Variants in P2RY12 observed in about 807,000 individuals in gnomAD.
P2RY12 encodes the protein purinergic receptor P2Y12.
Under a neutral mutation model 4.5 loss-of-function variants are expected in P2RY12, and 3 were observed. That is an observed-to-expected ratio of 0.67 (90% CI 0.31 to 1.74). The LOEUF is 1.74. Ranked by LOEUF, P2RY12 falls within the 40% of genes most tolerant of loss-of-function variation. The pLI is 0.09. For missense variants in P2RY12, 356 were observed against 407.8 expected (o/e 0.87, Z 1.09); for synonymous variants, 148 against 154.1 (o/e 0.96, Z 0.29).
At chr3:151,357,572 A>T (rs1371224224) in intron 1 of P2RY12, among the ~76,000 whole-genome samples, 1 of 152,178 alleles carries the variant, frequency 6.6e-6, no homozygotes, top group Non-Finnish European at 1.5e-5. Context: ...ATAATGTGTG[A>T]TTCCTTCTTC....
At chr3:151,353,687 A>C (rs141979383) in intron 1 of P2RY12, among the ~76,000 whole-genome samples, 1 of 152,356 alleles carries the variant, frequency 6.6e-6, no homozygotes, top group Non-Finnish European at 1.5e-5. Context: ...TACATTTGCC[A>C]TTAGCAAAAT....
At chr3:151,381,106 T>C (rs1712254155) in intron 1 of P2RY12, among the ~76,000 whole-genome samples, 1 of 152,194 alleles carries the variant, frequency 6.6e-6, no homozygotes, top group Admixed American at 6.5e-5. Context: ...ACAACAGAAA[T>C]TGGAGAGCAT....
At chr3:151,368,614 TATTTTATTTTATTTTATTTCATTTC>T (rs1755617800) in intron 1 of P2RY12, among the ~76,000 whole-genome samples, 6 of 74,144 alleles carry the variant, frequency 8.1e-5, no homozygotes, top group East Asian at 5.9e-4. Flanking sequence ...TATTTTATTT[TATTTTATTTTATTTTATTTCATTTC>T]ATTTCATTTC....
At chr3:151,347,985 G>T (rs563782408) in intron 1 of P2RY12, among the ~76,000 whole-genome samples, 1 of 152,276 alleles carries the variant, frequency 6.6e-6, no homozygotes, top group South Asian at 2.1e-4. Context: ...TGAGGAGCAC[G>T]TGGCTCTTTC....
chr3:151,380,566 C>G (rs1312624501), intron 1 of P2RY12, among the ~76,000 whole-genome samples: 1 of 143,430 alleles, frequency 7.0e-6, no homozygotes, highest in East Asian at 2.0e-4. Flanking sequence ...CATTGCACAC[C>G]AGCCTGGGAA....
chr3:151,367,243 G>T (rs940281100), intron 1 of P2RY12, among the ~76,000 whole-genome samples: 3 of 152,160 alleles, frequency 2.0e-5, no homozygotes, highest in African/African-American at 7.2e-5. Flanking sequence ...AGTGAGGCTT[G>T]TTTTTCAACT....
chr3:151,367,730 G>A (rs765305359), intron 1 of P2RY12: 20 of 1,611,046 alleles, frequency 1.2e-5, no homozygotes, highest in Non-Finnish European at 1.4e-5. Context: ...GGAGGACGTC[G>A]TGCAGCATGT....
At chr3:151,372,844 C>T (rs1756360854) in intron 1 of P2RY12, 2 of 1,150,916 alleles carry the variant, frequency 1.7e-6, no homozygotes, top group African/African-American at 1.5e-5. Flanking sequence ...TTATAGGAAA[C>T]TTGTGCATAG....
In P2RY12 at chr3:151,366,291, G is replaced by GT. The variant is rs564672897; in HGVS notation, c.-180+18400dup. On this transcript the variant is annotated intron_variant, in intron 1 of 2. Coordinates refer to ENST00000302632, the MANE Select transcript of P2RY12 (RefSeq NM_022788.5). Reference sequence around the variant, plus strand: ...CCATATGGATGGTCTCTTCAGAGCTGTTTTTTCTTTTTACCAACTGCCCTG... The same window carrying GT: ...CCATATGGATGGTCTCTTCAGAGCTGTTTTTTTCTTTTTACCAACTGCCCTG... Among the ~76,000 whole-genome samples the GT allele has an allele frequency of 1.1e-3, 163 of 152,286 alleles. 4 individuals carry two copies. The South Asian group carries it at 0.012, about 11-fold the overall frequency.
chr3:151,346,572 A>G (rs530333526), intron 1 of P2RY12, among the ~76,000 whole-genome samples: 43 of 152,276 alleles, frequency 2.8e-4, no homozygotes, highest in African/African-American at 9.6e-4. Context: ...GTGACTTCTT[A>G]ACCTCACTGG....
chr3:151,362,780 AGT>A (rs1754779276), intron 1 of P2RY12, among the ~76,000 whole-genome samples: 2 of 152,350 alleles, frequency 1.3e-5, no homozygotes, highest in Middle Eastern at 3.4e-3. Context: ...GTATTAATAA[AGT>A]GTGAAAATAT....
chr3:151,358,729 T>C (rs78261302), intron 1 of P2RY12, among the ~76,000 whole-genome samples: 2,469 of 152,310 alleles, frequency 0.016, 30 homozygotes, highest in Non-Finnish European at 0.027. Flanking sequence ...GTATTATGCT[T>C]AAAACTATTA....
At chr3:151,350,974 C>T (rs1246801374) in intron 1 of P2RY12, among the ~76,000 whole-genome samples, 1 of 152,158 alleles carries the variant, frequency 6.6e-6, no homozygotes, top group Admixed American at 6.5e-5. Flanking sequence ...AGGTATCCTG[C>T]TACCACCACT....
At chr3:151,379,458 A>G (rs1711842220) in intron 1 of P2RY12, among the ~76,000 whole-genome samples, 1 of 152,244 alleles carries the variant, frequency 6.6e-6, no homozygotes, top group Admixed American at 6.5e-5. Context: ...ATGCCAATTT[A>G]AAACAGAATT....
At chr3:151,373,017 G>A (rs1326197704) in intron 1 of P2RY12, among the ~76,000 whole-genome samples, 1 of 152,100 alleles carries the variant, frequency 6.6e-6, no homozygotes, top group Non-Finnish European at 1.5e-5. Context: ...AGATGTGGGT[G>A]CATATACCTA....
chr3:151,372,709 A>G, intron 1 of P2RY12: 8 of 1,613,958 alleles, frequency 5.0e-6, no homozygotes, highest in Non-Finnish European at 6.8e-6. Context: ...GCATTTCCAT[A>G]GAAACTGCCA....
At chr3:151,377,973 G>C in intron 1 of P2RY12, 1 of 1,533,878 alleles carries the variant, frequency 6.5e-7, no homozygotes, top group South Asian at 1.2e-5. Flanking sequence ...GCAGGGGAAA[G>C]GATGCTTTCT....
At chr3:151,344,999 T>C (rs1298380942) in intron 1 of P2RY12, among the ~76,000 whole-genome samples, 5 of 152,230 alleles carry the variant, frequency 3.3e-5, no homozygotes, top group Non-Finnish European at 5.9e-5. Flanking sequence ...ACTCCATTTC[T>C]TCTTTCTAAG....
intron 1 of P2RY12, among the ~76,000 whole-genome samples, chr3:151,352,247 A>C (rs1753323181): frequency 6.6e-6 from 1 of 152,160 alleles, no homozygotes; most frequent in Non-Finnish European, 1.5e-5. Flanking sequence ...TCTACTTGTG[A>C]CATTATGTCT....
Sources: allele counts gnomAD v4.1 joint callset (sites outside exome capture counted in the v4.1 genomes callset), GRCh38; gene constraint gnomAD v4.1.1; transcripts MANE v1.5; gene names NCBI Gene and HGNC (gene_info 2026-07-23, HGNC 2026-07-21).